LINGO2: variants seen among roughly 807,000 people sequenced by gnomAD.
The protein encoded by LINGO2 is leucine rich repeat and Ig domain containing 2.
In LINGO2, 14 loss-of-function variants were observed where a neutral mutation model predicts 30.6. The ratio of observed to expected loss-of-function variants is 0.46; its 90% CI spans 0.30 to 0.72. The LOEUF is 0.72. Among genes scored for constraint, LINGO2 ranks in the 30% least tolerant of loss-of-function variants. LINGO2 has a pLI of 0.07. For synonymous variants in LINGO2, 317 were observed against 288.5 expected (o/e 1.10, Z -1.00); for missense variants, 729 against 751.7 (o/e 0.97, Z 0.35).
the LINGO2 span, among the ~76,000 whole-genome samples, chr9:29,192,627 G>A: frequency 5.3e-5 from 8 of 151,978 alleles, no homozygotes; most frequent in South Asian, 2.1e-4. Context: ...ACATCTCTTC[G>A]CTCTGAACAC....
At chr9:28,276,922 G>A (rs1189785658) in intron 4 of LINGO2, among the ~76,000 whole-genome samples, 2 of 152,078 alleles carry the variant, frequency 1.3e-5, no homozygotes, top group Non-Finnish European at 2.9e-5. Flanking sequence ...ATTCTGATAT[G>A]AGTCAGTAGT....
chr9:27,947,632 T>C (rs1049397092), downstream of LINGO2, among the ~76,000 whole-genome samples: 4 of 152,178 alleles, frequency 2.6e-5, no homozygotes, highest in African/African-American at 9.7e-5. Flanking sequence ...AGTATTCAAG[T>C]AGAGAACATC....
the LINGO2 span, among the ~76,000 whole-genome samples, chr9:28,693,572 G>A: frequency 6.6e-6 from 1 of 152,210 alleles, no homozygotes; most frequent in East Asian, 1.9e-4. Flanking sequence ...AGTCAGCCTG[G>A]CAAGGCTTAG....
At chr9:28,326,298 C>T (rs1272428724) in intron 3 of LINGO2, among the ~76,000 whole-genome samples, 3 of 152,216 alleles carry the variant, frequency 2.0e-5, no homozygotes, top group African/African-American at 7.2e-5. Context: ...AACCACCACA[C>T]CCGGCCACAA....
intron 4 of LINGO2, among the ~76,000 whole-genome samples, chr9:28,123,702 C>T (rs888650625): frequency 7.3e-5 from 11 of 151,476 alleles, no homozygotes; most frequent in East Asian, 3.9e-4. Context: ...CTCATTCTGT[C>T]GCCCAGGCTG....
rs1392465610 is a variant in LINGO2 at position 27,958,432 on chromosome 9, T to C, written c.-35-7726A>G. On this transcript the variant is annotated intron_variant, in intron 5 of 5. Transcript: ENST00000379992. ...TTCTTTGTGATGTATCTATATACTT[T>C]TAGTATCAGAGTACAGTAGCCCCTC... Among the ~76,000 whole-genome samples the C allele has an allele frequency of 2.0e-5, 3 of 152,192 alleles. No homozygotes were observed. The South Asian group carries it at 6.2e-4, about 32-fold the overall frequency.
At chr9:29,160,242 C>T in the LINGO2 span, among the ~76,000 whole-genome samples, 3 of 152,100 alleles carry the variant, frequency 2.0e-5, no homozygotes, top group South Asian at 2.1e-4. Flanking sequence ...CACCATTGAC[C>T]GAAGTCTAAC....
At position 27,980,822 on chromosome 9, in the gene LINGO2, G is replaced by A. The variant is rs566036464; in HGVS notation, c.-35-30116C>T. ...GGCAGCTTGAGGGGATAAGGCAATA[G>A]GGGAAGTGCTTCTTAAGTGATACTT... On this transcript the variant is annotated intron_variant, in intron 5 of 5. Transcript: ENST00000379992. 3.3e-5 allele frequency among the ~76,000 whole-genome samples: 5 copies of A among 151,974 alleles called. No individual in the cohort carries two copies. The South Asian group carries it at 1.0e-3, about 32-fold the overall frequency.
the LINGO2 span, among the ~76,000 whole-genome samples, chr9:28,840,137 G>T: frequency 2.0e-5 from 3 of 151,846 alleles, no homozygotes; most frequent in African/African-American, 7.3e-5. Flanking sequence ...GAGACAGAGG[G>T]GCTTCCCTGA....
At chr9:28,913,001 C>G in the LINGO2 span, among the ~76,000 whole-genome samples, 1 of 152,066 alleles carries the variant, frequency 6.6e-6, no homozygotes, top group Non-Finnish European at 1.5e-5. Flanking sequence ...CAGCCACATT[C>G]TTTATGGTGG....
intron 4 of LINGO2, among the ~76,000 whole-genome samples, chr9:28,189,565 AAGGAAGGAAGGAAGGG>A (rs1564029090): frequency 3.7e-4 from 2 of 5,406 alleles, no homozygotes; most frequent in African/African-American, 1.2e-3. Flanking sequence ...GGAAGGGAGG[AAGGAAGGAAGGAAGGG>A]AGGGAGGAAG....
At chr9:28,830,663 A>G in the LINGO2 span, among the ~76,000 whole-genome samples, 1 of 152,282 alleles carries the variant, frequency 6.6e-6, no homozygotes, top group East Asian at 1.9e-4. Flanking sequence ...TTTATAATGG[A>G]TTTTTAATTT....
chr9:28,811,363 T>A, the LINGO2 span, among the ~76,000 whole-genome samples: 400 of 152,260 alleles, frequency 2.6e-3, 1 homozygote, highest in African/African-American at 9.1e-3. Flanking sequence ...TCCATTTTGG[T>A]TCCCTTGACT....
the LINGO2 span, among the ~76,000 whole-genome samples, chr9:28,775,177 G>A: frequency 7.2e-5 from 11 of 152,240 alleles, no homozygotes; most frequent in South Asian, 4.1e-4. Flanking sequence ...CTGCTGAGCC[G>A]AACTCTGGAT....
chr9:28,805,489 C>A, the LINGO2 span, among the ~76,000 whole-genome samples: 3 of 152,070 alleles, frequency 2.0e-5, no homozygotes, highest in Admixed American at 2.0e-4. Flanking sequence ...GAGTTTAGCC[C>A]CTAAGATTTG....
chr9:28,576,828 T>C (rs1824014710), intron 1 of LINGO2, among the ~76,000 whole-genome samples: 1 of 152,168 alleles, frequency 6.6e-6, no homozygotes, highest in South Asian at 2.1e-4. Flanking sequence ...TAAGCATAAA[T>C]TCTTTTCAAA....
intron 3 of LINGO2, among the ~76,000 whole-genome samples, chr9:28,309,712 T>C (rs1208500984): frequency 6.6e-6 from 1 of 151,934 alleles, no homozygotes; most frequent in East Asian, 1.9e-4. Context: ...TGAAAACCAA[T>C]TTTAAGAAAA....
the LINGO2 span, among the ~76,000 whole-genome samples, chr9:29,128,308 C>A: frequency 1.3e-5 from 2 of 152,222 alleles, no homozygotes; most frequent in African/African-American, 4.8e-5. Context: ...CTAAGCCTTC[C>A]TTAGAATTTT....
At chr9:28,711,825 C>T in the LINGO2 span, among the ~76,000 whole-genome samples, 3 of 152,016 alleles carry the variant, frequency 2.0e-5, no homozygotes, top group African/African-American at 4.8e-5. Flanking sequence ...CAGTGCCTTG[C>T]CCAGATAAGA....
Sources: allele counts gnomAD v4.1 joint callset (sites outside exome capture counted in the v4.1 genomes callset), GRCh38; gene constraint gnomAD v4.1.1; transcripts MANE v1.5; gene names NCBI Gene and HGNC (gene_info 2026-07-23, HGNC 2026-07-21).